AP2B1: variants seen among roughly 807,000 people sequenced by gnomAD.
The protein encoded by AP2B1 is adaptor related protein complex 2 subunit beta 1.
Under a neutral mutation model 102.0 loss-of-function variants are expected in AP2B1, and 23 were observed. The ratio of observed to expected loss-of-function variants is 0.23; its 90% confidence interval spans 0.16 to 0.32. The LOEUF (loss-of-function observed/expected upper bound fraction) is 0.32. Among genes scored for constraint, AP2B1 ranks in the 10% least tolerant of loss-of-function variants. The pLI is 1.00. For missense variants in AP2B1, 541 were observed against 1,157.4 expected, an observed-to-expected ratio of 0.47 and a Z score of 7.73; for synonymous variants, 381 against 421.2, an observed-to-expected ratio of 0.90 and a Z score of 1.17.
intron 17 of AP2B1, among the ~76,000 whole-genome samples, chr17:35,681,436 G>A (rs2075820888): frequency 6.6e-6 from 1 of 152,190 alleles, no homozygotes; most frequent in South Asian, 2.1e-4. Flanking sequence ...GTGTCGCTCT[G>A]TCATCTAGGC....
intron 18 of AP2B1, among the ~76,000 whole-genome samples, chr17:35,687,041 C>T (rs1225882250): frequency 6.6e-6 from 1 of 152,200 alleles, no homozygotes; most frequent in Non-Finnish European, 1.5e-5. Flanking sequence ...TCCAATATCT[C>T]CTCCCACAAA....
intron 21 of AP2B1, among the ~76,000 whole-genome samples, chr17:35,720,567 A>ATTTTTTTTTTTT: frequency 1.9e-5 from 1 of 52,344 alleles, no homozygotes; most frequent in Non-Finnish European, 3.8e-5. Context: ...ATATATATAT[A>ATTTTTTTTTTTT]TATATATTTT....
At chr17:35,674,978 C>T (rs114572553) in intron 17 of AP2B1, among the ~76,000 whole-genome samples, 1 of 152,130 alleles carries the variant, frequency 6.6e-6, no homozygotes, top group African/African-American at 2.4e-5. Context: ...GGTACTGGGG[C>T]TAGAGTAGTG....
At chr17:35,598,135 G>T in intron 2 of AP2B1, 95 bp from the exon 3 acceptor site, 1 of 522,374 alleles carries the variant, frequency 1.9e-6, no homozygotes, top group African/African-American at 1.9e-5. Context: ...TTTAGTTGCT[G>T]CCCTGCTATC....
At chr17:35,697,017 A>G (rs182544712) in intron 18 of AP2B1, among the ~76,000 whole-genome samples, 11 of 152,320 alleles carry the variant, frequency 7.2e-5, no homozygotes, top group Non-Finnish European at 1.5e-4. Flanking sequence ...CTTGAACCAA[A>G]CTAAGCAAGG....
At chr17:35,666,515 C>G (rs986705493) in intron 14 of AP2B1, among the ~76,000 whole-genome samples, 1 of 152,150 alleles carries the variant, frequency 6.6e-6, no homozygotes, top group African/African-American at 2.4e-5. Context: ...CTGAAGTTGC[C>G]GTCTTTCCCC....
chr17:35,625,038 A>G (rs917191549), intron 6 of AP2B1, among the ~76,000 whole-genome samples: 7 of 152,170 alleles, frequency 4.6e-5, no homozygotes, highest in African/African-American at 1.7e-4. Flanking sequence ...TATGGAAACC[A>G]TGTCAGTCTG....
At chr17:35,629,034 T>C (rs1031807584) in intron 9 of AP2B1, among the ~76,000 whole-genome samples, 3 of 152,018 alleles carry the variant, frequency 2.0e-5, no homozygotes, top group African/African-American at 7.2e-5. Flanking sequence ...CTGCAACCTC[T>C]GCCTCCCGGG....
At chr17:35,662,777 G>A (rs1481094170) in intron 14 of AP2B1, among the ~76,000 whole-genome samples, 1 of 152,102 alleles carries the variant, frequency 6.6e-6, no homozygotes, top group African/African-American at 2.4e-5. Flanking sequence ...TGTCAGCAGA[G>A]GCCTTGGCTA....
intron 20 of AP2B1, among the ~76,000 whole-genome samples, chr17:35,716,161 G>A (rs1415065785): frequency 1.3e-5 from 2 of 152,176 alleles, no homozygotes; most frequent in Admixed American, 1.3e-4. Context: ...TTCCCAGAGA[G>A]CACAATAGAA....
intron 15 of AP2B1, among the ~76,000 whole-genome samples, chr17:35,671,398 C>T (rs1432370700): frequency 1.3e-5 from 2 of 152,100 alleles, no homozygotes; most frequent in Non-Finnish European, 2.9e-5. Context: ...AAGTTGGATA[C>T]TTCTCCCTCT....
intron 21 of AP2B1, among the ~76,000 whole-genome samples, chr17:35,721,496 G>C (rs1416702852): frequency 6.6e-6 from 1 of 152,152 alleles, no homozygotes; most frequent in Admixed American, 6.5e-5. Context: ...TAATAAACTT[G>C]ACACTTTGTC....
At chr17:35,691,086 T>A (rs1442667908) in intron 18 of AP2B1, among the ~76,000 whole-genome samples, 1 of 151,624 alleles carries the variant, frequency 6.6e-6, no homozygotes, top group Admixed American at 6.6e-5. Context: ...ACACAATGTC[T>A]CTTTTTTTTT....
chr17:35,707,457 CTT>C (rs35397924), intron 18 of AP2B1, among the ~76,000 whole-genome samples: 84 of 132,340 alleles, frequency 6.3e-4, no homozygotes, highest in Middle Eastern at 4.2e-3. Context: ...GGCTTCCCCC[CTT>C]TTTTTTTTTT....
chr17:35,606,638 G>A (rs2073685358), intron 4 of AP2B1, among the ~76,000 whole-genome samples: 2 of 151,996 alleles, frequency 1.3e-5, no homozygotes, highest in African/African-American at 2.4e-5. Context: ...AACAGTTACC[G>A]ACACATAACC....
chr17:35,595,651 G>A (rs1342156084), intron 2 of AP2B1, among the ~76,000 whole-genome samples: 1 of 152,094 alleles, frequency 6.6e-6, no homozygotes, highest in East Asian at 1.9e-4. Flanking sequence ...TTGATTGGGG[G>A]GAGGAGGAGG....
chr17:35,589,924 C>CTTTTT (rs71366465), intron 1 of AP2B1, among the ~76,000 whole-genome samples: 45 of 119,474 alleles, frequency 3.8e-4, no homozygotes, highest in Admixed American at 6.2e-4. Flanking sequence ...TCTGTAACTT[C>CTTTTT]TTTTTTTTTT....
intron 18 of AP2B1, among the ~76,000 whole-genome samples, chr17:35,706,404 T>C (rs952837372): frequency 2.6e-5 from 4 of 152,218 alleles, no homozygotes; most frequent in Non-Finnish European, 4.4e-5. Context: ...CTGGGAACTT[T>C]TTCCCAAATA....
At chr17:35,656,614 G>T (rs2075225734) in intron 13 of AP2B1, among the ~76,000 whole-genome samples, 1 of 152,130 alleles carries the variant, frequency 6.6e-6, no homozygotes, top group Non-Finnish European at 1.5e-5. Flanking sequence ...ATCAACTCTT[G>T]GCCGGGTGCG....
Sources: allele counts gnomAD v4.1 joint callset (sites outside exome capture counted in the v4.1 genomes callset), GRCh38; gene constraint gnomAD v4.1.1; transcripts MANE v1.5; gene names NCBI Gene and HGNC (gene_info 2026-07-23, HGNC 2026-07-21).